UTP18: variants seen among roughly 807,000 people sequenced by gnomAD.
UTP18 encodes U3 small nucleolar RNA-associated protein 18 homolog.
Under a neutral mutation model 61.1 loss-of-function variants are expected in UTP18, and 36 were observed. That is an observed-to-expected ratio of 0.59 (90% CI 0.45 to 0.78). UTP18 has a LOEUF of 0.78. UTP18 is among the 30% of genes least tolerant of loss of function. UTP18 has a pLI of 0.00. For synonymous variants in UTP18, 282 were observed against 251.1 expected (o/e 1.12, Z -1.16); for missense variants, 753 against 693.9 (o/e 1.09, Z -0.96).
chr17:51,280,844 C>G (rs1401632202), intron 9 of UTP18, among the ~76,000 whole-genome samples: 1 of 151,214 alleles, frequency 6.6e-6, no homozygotes, highest in African/African-American at 2.4e-5. Flanking sequence ...GCCATCTATC[C>G]TGGGCGACAG....
rs1220262588 is a variant in UTP18, at chr17:51,288,088, CA to C, written c.1391del (p.Lys464SerfsTer3). 1 of 1,609,368 alleles carries C rather than the reference CA, an allele frequency of 6.2e-7. No homozygotes were observed. Among genetic ancestry groups the C allele is most frequent in the African/African-American group, 1.3e-5 (1 of 74,704 alleles). On this transcript the variant is annotated frameshift_variant, in exon 11 of 14. Transcript: ENST00000225298. LOFTEE classifies it high-confidence loss of function. The part of the protein sequence containing the change: ...NQDSCLQETN[P>X]KPIKAIMNLV... Reference sequence around the variant, plus strand: ...GATTCTTGTCTCCAAGAAACAAACCCAAAGCCAATAAAAGCTATAATGAACT... The same window carrying C: ...GATTCTTGTCTCCAAGAAACAAACCCAAGCCAATAAAAGCTATAATGAACT...
chr17:51,273,631 A>T, intron 5 of UTP18, among the ~76,000 whole-genome samples, 181 bp downstream of exon 5: 1 of 149,274 alleles, frequency 6.7e-6, no homozygotes. Context: ...AAAATGTTCT[A>T]GAGGTATTAT....
intron 7 of UTP18, among the ~76,000 whole-genome samples, chr17:51,278,925 A>G (rs1030783443): frequency 1.3e-5 from 2 of 152,180 alleles, no homozygotes; most frequent in Admixed American, 6.5e-5. Context: ...GAGTCCAAGC[A>G]AGGGAACTAA....
chr17:51,273,404 G>A lies in UTP18; in HGVS notation c.665G>A (p.Gly222Glu), dbSNP rs773899224. 2.4e-5 allele frequency: 39 copies of A among 1,610,858 alleles called. No individual in the cohort carries two copies. Among genetic ancestry groups the A allele is most frequent in the Non-Finnish European group, 2.5e-6 (3 of 1,178,646 alleles). Residue 222 changes from glycine (G) to glutamate (E), a missense_variant, in exon 5 of 14, where the codon GGG (glycine) becomes GAG (glutamate). Coordinates refer to ENST00000225298, the MANE Select transcript of UTP18 (RefSeq NM_016001.3). Reference protein sequence around the residue: ...EDEDDLLQRTGNFISTSTSLP... With the variant: ...EDEDDLLQRTENFISTSTSLP... ...GAAGATGATTTGTTGCAAAGGACTG[G>A]GAATTTCATATCCACATCAACTTCT...
chr17:51,269,727 T>G (rs1904448620), intron 4 of UTP18, among the ~76,000 whole-genome samples: 1 of 152,216 alleles, frequency 6.6e-6, no homozygotes, highest in African/African-American at 2.4e-5. Context: ...CCGTCTTTGT[T>G]TCTAGCCATT....
At chr17:51,265,971 T>C (rs1167323616) in intron 2 of UTP18, among the ~76,000 whole-genome samples, 1 of 152,210 alleles carries the variant, frequency 6.6e-6, no homozygotes, top group East Asian at 1.9e-4. Context: ...AAATAGTAGC[T>C]CTCCAAAGTG....
chr17:51,277,500 T>TA (rs1298192970), intron 7 of UTP18, among the ~76,000 whole-genome samples, 196 bp downstream of exon 7: 2 of 152,204 alleles, frequency 1.3e-5, no homozygotes, highest in Admixed American at 6.5e-5. Context: ...ACTGAACACT[T>TA]ACGGAATGAT....
chr17:51,263,324 A>T lies in UTP18; in HGVS notation c.393A>T (p.Lys131Asn). The change falls in exon 2 of 14, where the codon AAA becomes AAT. Residue 131 changes from lysine (K) to asparagine (N), a missense_variant. Lys to Asn is a moderately conservative substitution (Grantham distance 94). Transcript: ENST00000225298. Reference sequence around the variant, plus strand: ...ACTCAGAAGTGGAGAATGAAGCAAAAGGTAATTTTCCACCTCAAAAGAAGC... The same window carrying T: ...ACTCAGAAGTGGAGAATGAAGCAAATGGTAATTTTCCACCTCAAAAGAAGC... ...SGDSEVENEAKGNFPPQKKPV... is the reference protein window; with the variant it reads ...SGDSEVENEANGNFPPQKKPV... 1.2e-6 allele frequency: 2 copies of T among 1,614,252 alleles called. No homozygotes were observed. Among genetic ancestry groups the T allele is most frequent in the Non-Finnish European group, 1.7e-6 (2 of 1,180,034 alleles).
intron 6 of UTP18, among the ~76,000 whole-genome samples, chr17:51,276,301 A>T (rs1904720304): frequency 6.6e-6 from 1 of 152,160 alleles, no homozygotes; most frequent in African/African-American, 2.4e-5. Flanking sequence ...TCACATTTTT[A>T]TTGAATGCAC....
intron 12 of UTP18, chr17:51,296,597 T>C (rs1253016940): frequency 1.2e-5 from 2 of 170,742 alleles, no homozygotes; most frequent in Non-Finnish European, 2.5e-5. Context: ...GTGAAATTTT[T>C]TTTTCTCTAA....
At chr17:51,280,150 A>G (rs1904864736) in intron 8 of UTP18, 45 bp downstream of exon 8, 1 of 1,562,920 alleles carries the variant, frequency 6.4e-7, no homozygotes, top group Non-Finnish European at 8.8e-7. Flanking sequence ...ACAAGACACT[A>G]GTGTAGGGAT....
At position 51,260,653 on chromosome 17, in the gene UTP18, C is replaced by A. The variant is rs755322303; in HGVS notation, c.69C>A (p.Pro23=). 4 of 1,612,202 alleles carry A rather than the reference C, an allele frequency of 2.5e-6. No individual in the cohort carries two copies. Among genetic ancestry groups the A allele is most frequent in the African/African-American group, 1.3e-5 (1 of 74,892 alleles). ...CCGGAGCGAAGCCGAAGCGGAAGCC[C>A]GGAATGAGGCCGGACTGGAAAGCCG... ...RRTGAKPKRK[P]GMRPDWKAGA... Residue 23 remains proline (P), a synonymous_variant, in exon 1 of 14, where the codon CCC becomes CCA. Transcript: ENST00000225298.
intron 12 of UTP18, among the ~76,000 whole-genome samples, chr17:51,295,487 T>C (rs948530426): frequency 2.0e-5 from 3 of 152,222 alleles, no homozygotes; most frequent in African/African-American, 7.2e-5. Flanking sequence ...TTTTGTCAGG[T>C]TTGTCAAAGA....
chr17:51,293,438 G>A (rs944382004), intron 11 of UTP18, among the ~76,000 whole-genome samples: 4 of 152,078 alleles, frequency 2.6e-5, no homozygotes, highest in South Asian at 2.1e-4. Context: ...TCCAACCCAC[G>A]GCGCAGGACG....
At chr17:51,273,054 T>C (rs2144407928) in intron 4 of UTP18, among the ~76,000 whole-genome samples, 1 of 152,384 alleles carries the variant, frequency 6.6e-6, no homozygotes, top group Non-Finnish European at 1.5e-5. Flanking sequence ...AAATGCTGGC[T>C]TTAAACTTTT....
chr17:51,280,535 C>T (rs1904879619), intron 9 of UTP18, 56 bp downstream of exon 9: 2 of 1,566,304 alleles, frequency 1.3e-6, no homozygotes, highest in African/African-American at 2.7e-5. Context: ...AATTTTAGGC[C>T]AGGCGCGGTG....
chr17:51,263,532 C>T, intron 2 of UTP18, 146 bp downstream of exon 2: 1 of 660,574 alleles, frequency 1.5e-6, no homozygotes, highest in East Asian at 2.8e-5. Context: ...TTCATGGTTC[C>T]TGATCCCACC....
chr17:51,285,101 T>C (rs1905062450), intron 9 of UTP18, 144 bp from the exon 10 acceptor site: 1 of 772,754 alleles, frequency 1.3e-6, no homozygotes, highest in Admixed American at 2.7e-5. Flanking sequence ...ATATTCTTAG[T>C]CCAGTTTTCC....
intron 11 of UTP18, among the ~76,000 whole-genome samples, chr17:51,290,135 G>T (rs1187486724): frequency 6.6e-6 from 1 of 150,802 alleles, no homozygotes; most frequent in African/African-American, 2.5e-5. Context: ...GTTTTGTTGC[G>T]CTGGGCACGG....
Sources: allele counts gnomAD v4.1 joint callset (sites outside exome capture counted in the v4.1 genomes callset), GRCh38; gene constraint gnomAD v4.1.1; transcripts MANE v1.5; gene names NCBI Gene and HGNC (gene_info 2026-07-23, HGNC 2026-07-21).